The following SHC3 variants were observed in gnomAD, a reference collection of about 807,000 sequenced individuals.
SHC3 encodes the protein SHC-transforming protein 3.
In SHC3, 15 loss-of-function variants were observed where a neutral mutation model predicts 60.4. That is an observed-to-expected ratio of 0.25 (90% CI 0.17 to 0.38). SHC3 has a LOEUF of 0.38. Among genes scored for constraint, SHC3 ranks in the 10% least tolerant of loss-of-function variants. SHC3 has a pLI of 1.00. For synonymous variants in SHC3, 294 were observed against 325.9 expected, an observed-to-expected ratio of 0.90 and a Z score of 1.05; for missense variants, 677 against 786.1, an observed-to-expected ratio of 0.86 and a Z score of 1.66.
At position 89,013,141 on chromosome 9, in the gene SHC3, C is replaced by CTTT. The variant is rs143714581; in HGVS notation, c.*305_*306insAAA. 16 of 168,374 alleles carry CTTT rather than the reference C, an allele frequency of 9.5e-5. No individual in the cohort carries two copies. Among genetic ancestry groups the CTTT allele is most frequent in the East Asian group, 3.1e-4 (2 of 6,548 alleles). 10.4% of individuals were successfully genotyped at this position (168,374 alleles called of 1,614,324 possible). A position where few individuals can be genotyped will look rare whatever the true frequency, so the allele number is the denominator to read the frequency against. The stretch of plus-strand genomic sequence containing the variant: ...TTTTGCCTGGACAACTACAGTTAAA[C>CTTT]TTATTTTTTTTTTTCATTAAAAACA... On this transcript the variant is annotated 3_prime_UTR_variant, in exon 12 of 12. Coordinates refer to ENST00000375835, the MANE Select transcript of SHC3 (RefSeq NM_016848.6).
intron 3 of SHC3, among the ~76,000 whole-genome samples, 183 bp from the exon 4 acceptor site, chr9:89,075,411 A>G (rs1044508765): frequency 6.6e-6 from 1 of 152,222 alleles, no homozygotes; most frequent in Admixed American, 6.5e-5. Flanking sequence ...AAATTTTAGA[A>G]TATGCAACAT....
chr9:89,062,239 A>C (rs895754727), intron 6 of SHC3, among the ~76,000 whole-genome samples: 3 of 152,212 alleles, frequency 2.0e-5, no homozygotes, highest in African/African-American at 7.2e-5. Flanking sequence ...ATGATATGTT[A>C]GAATTTAGCA....
chr9:89,106,904 C>T (rs192142816), intron 2 of SHC3, among the ~76,000 whole-genome samples: 34 of 152,004 alleles, frequency 2.2e-4, no homozygotes, highest in African/African-American at 7.2e-4. Context: ...GGACTGAACA[C>T]GAAAATAGAG....
chr9:89,154,049 A>C (rs1254169412), intron 1 of SHC3, among the ~76,000 whole-genome samples: 1 of 152,068 alleles, frequency 6.6e-6, no homozygotes. Flanking sequence ...CATCCAAGAG[A>C]AGTGGAGGGC....
chr9:89,141,297 G>A (rs1196771891), intron 1 of SHC3, among the ~76,000 whole-genome samples: 1 of 152,182 alleles, frequency 6.6e-6, no homozygotes, highest in East Asian at 1.9e-4. Flanking sequence ...GCGAGCTTGT[G>A]GAGTCCCAGG....
intron 5 of SHC3, among the ~76,000 whole-genome samples, chr9:89,069,048 C>T (rs536912576): frequency 6.6e-6 from 1 of 152,326 alleles, no homozygotes; most frequent in East Asian, 1.9e-4. Context: ...GTGGCTCATG[C>T]CTGTAATCCC....
chr9:89,117,365 G>A (rs1328053937), intron 1 of SHC3, among the ~76,000 whole-genome samples: 1 of 152,068 alleles, frequency 6.6e-6, no homozygotes, highest in African/African-American at 2.4e-5. Context: ...AACTCATTTT[G>A]TTTTAGTTTG....
intron 2 of SHC3, among the ~76,000 whole-genome samples, chr9:89,100,077 T>TATTGACCC (rs1564142954): frequency 1.3e-5 from 2 of 152,188 alleles, no homozygotes; most frequent in Non-Finnish European, 2.9e-5. Context: ...CAATAAACGT[T>TATTGACCC]AATTAAAAGC....
chr9:89,042,990 G>T (rs1017298543), intron 9 of SHC3, among the ~76,000 whole-genome samples: 4 of 152,164 alleles, frequency 2.6e-5, no homozygotes, highest in Non-Finnish European at 4.4e-5. Context: ...CGCCTGTTCA[G>T]ATCCTTCTCG....
At chr9:89,026,000 T>C (rs966479134) in intron 11 of SHC3, among the ~76,000 whole-genome samples, 2 of 152,090 alleles carry the variant, frequency 1.3e-5, no homozygotes, top group Non-Finnish European at 2.9e-5. Flanking sequence ...TCCCAGCACT[T>C]TGGGAGGCCA....
intron 11 of SHC3, among the ~76,000 whole-genome samples, chr9:89,029,585 G>A (rs920136459): frequency 6.6e-6 from 1 of 152,134 alleles, no homozygotes; most frequent in African/African-American, 2.4e-5. Flanking sequence ...GGAAGATATA[G>A]GATACAAGTC....
At chr9:89,088,690 AC>A (rs1825570710) in intron 2 of SHC3, 1 of 152,440 alleles carries the variant, frequency 6.6e-6, no homozygotes, top group African/African-American at 2.4e-5. Flanking sequence ...GGAAGGAGGA[AC>A]AACGAGCTGT....
intron 5 of SHC3, 86 bp downstream of exon 5, chr9:89,071,113 G>T: frequency 7.9e-7 from 1 of 1,261,408 alleles, no homozygotes; most frequent in Non-Finnish European, 1.1e-6. Flanking sequence ...CTTTTTTACA[G>T]TGTCTTGCAA....
At chr9:89,036,599 C>T (rs1038880509) in intron 11 of SHC3, among the ~76,000 whole-genome samples, 2 of 152,118 alleles carry the variant, frequency 1.3e-5, no homozygotes, top group Non-Finnish European at 2.9e-5. Flanking sequence ...GGACTGCATA[C>T]GTGACGGGCC....
intron 2 of SHC3, among the ~76,000 whole-genome samples, chr9:89,084,450 T>C (rs1825495438): frequency 6.6e-6 from 1 of 152,212 alleles, no homozygotes; most frequent in Admixed American, 6.5e-5. Flanking sequence ...GATAAGCTCT[T>C]GGGATTACTA....
At chr9:89,125,366 A>G (rs866029402) in intron 1 of SHC3, among the ~76,000 whole-genome samples, 7 of 151,834 alleles carry the variant, frequency 4.6e-5, no homozygotes, top group Middle Eastern at 3.4e-3. Context: ...TTTTTTTTCA[A>G]TTAAGTCTCC....
chr9:89,051,948 T>C, intron 7 of SHC3, 89 bp downstream of exon 7: 1 of 1,555,554 alleles, frequency 6.4e-7, no homozygotes, highest in Non-Finnish European at 8.7e-7. Context: ...ATTGTGCCTG[T>C]CCAGAACACA....
At chr9:89,128,015 C>T (rs1356274911) in intron 1 of SHC3, among the ~76,000 whole-genome samples, 3 of 152,052 alleles carry the variant, frequency 2.0e-5, no homozygotes, top group Non-Finnish European at 4.4e-5. Flanking sequence ...AAAAATACAA[C>T]CACTGGATCT....
At chr9:89,051,224 GT>G (rs1824856550) in intron 7 of SHC3, among the ~76,000 whole-genome samples, 1 of 152,176 alleles carries the variant, frequency 6.6e-6, no homozygotes, top group Non-Finnish European at 1.5e-5. Flanking sequence ...GAACAGTAAA[GT>G]TTTGTTTCTA....
Sources: gnomAD v4.1 joint callset for allele counts (sites outside exome capture counted in the v4.1 genomes callset) on GRCh38, gnomAD v4.1.1 for gene constraint, MANE v1.5 for transcripts, NCBI Gene and HGNC (gene_info 2026-07-23, HGNC 2026-07-21) for gene names.